The following TBC1D12 variants were observed in gnomAD, a reference collection of about 807,000 sequenced individuals.
The protein encoded by TBC1D12 is TBC1 domain family, member 12.
TBC1D12 carries 56 observed loss-of-function variants against 86.7 expected under a neutral mutation model. The ratio of observed to expected loss-of-function variants is 0.65; its 90% CI spans 0.52 to 0.81. The LOEUF (loss-of-function observed/expected upper bound fraction) is 0.81. TBC1D12 is among the 30% of genes least tolerant of loss of function. The pLI is 0.00. For synonymous variants in TBC1D12, 421 were observed against 411.7 expected (o/e 1.02, Z -0.27); for missense variants, 1,023 against 1,038.8 (o/e 0.98, Z 0.21).
chr10:94,523,059 A>AG (rs1290875392), intron 11 of TBC1D12, among the ~76,000 whole-genome samples: 3 of 150,404 alleles, frequency 2.0e-5, no homozygotes, highest in African/African-American at 7.3e-5. Context: ...AAAAAAAAAA[A>AG]AAAAGAACTT....
chr10:94,511,091 A>ATT (rs2056520744), intron 8 of TBC1D12, among the ~76,000 whole-genome samples: 2 of 115,486 alleles, frequency 1.7e-5, no homozygotes, highest in African/African-American at 6.4e-5. Context: ...AGTAGTAAAT[A>ATT]TTTCTTTTTT....
intron 1 of TBC1D12, among the ~76,000 whole-genome samples, chr10:94,416,678 A>G (rs2055002669): frequency 6.6e-6 from 1 of 152,178 alleles, no homozygotes; most frequent in South Asian, 2.1e-4. Flanking sequence ...CTATAATATC[A>G]ATGTTTACAA....
chr10:94,498,041 G>C (rs1453862043), intron 5 of TBC1D12, among the ~76,000 whole-genome samples: 2 of 151,842 alleles, frequency 1.3e-5, no homozygotes, highest in East Asian at 1.9e-4. Context: ...GGATGGTCTC[G>C]ATCTCCTGAC....
chr10:94,473,862 AATTT>A (rs2055946884), intron 2 of TBC1D12, among the ~76,000 whole-genome samples: 1 of 152,210 alleles, frequency 6.6e-6, no homozygotes, highest in Non-Finnish European at 1.5e-5. Context: ...ATATTAAATT[AATTT>A]ATTTTAATTA....
chr10:94,411,229 T>C (rs2054923510), intron 1 of TBC1D12, among the ~76,000 whole-genome samples: 1 of 152,180 alleles, frequency 6.6e-6, no homozygotes, highest in Non-Finnish European at 1.5e-5. Context: ...CTGTAGCAAA[T>C]TCTAGATCTA....
At chr10:94,422,308 G>A (rs563993067) in intron 1 of TBC1D12, among the ~76,000 whole-genome samples, 1 of 149,402 alleles carries the variant, frequency 6.7e-6, no homozygotes, top group South Asian at 2.2e-4. Flanking sequence ...TCGTGCCTCA[G>A]CCTCCCAAGT....
At chr10:94,501,771 C>T (rs1272962710) in intron 6 of TBC1D12, among the ~76,000 whole-genome samples, 1 of 151,848 alleles carries the variant, frequency 6.6e-6, no homozygotes, top group Non-Finnish European at 1.5e-5. Flanking sequence ...TGGTCTCAAA[C>T]TCCTGGCCTC....
intron 1 of TBC1D12, among the ~76,000 whole-genome samples, chr10:94,420,549 C>G (rs1054138956): frequency 2.0e-5 from 3 of 152,202 alleles, no homozygotes; most frequent in Admixed American, 2.0e-4. Context: ...GTCTCCAACC[C>G]AGCAATCTGT....
intron 2 of TBC1D12, among the ~76,000 whole-genome samples, chr10:94,474,242 A>T (rs1321510468): frequency 6.6e-6 from 1 of 152,160 alleles, no homozygotes; most frequent in East Asian, 1.9e-4. Context: ...TCTTCCTAAA[A>T]CTTTAATTAA....
intron 1 of TBC1D12, among the ~76,000 whole-genome samples, chr10:94,420,463 C>T (rs1164832383): frequency 2.0e-5 from 3 of 151,712 alleles, no homozygotes; most frequent in Non-Finnish European, 4.4e-5. Flanking sequence ...GCTAGCACCA[C>T]TATCTAATTC....
chr10:94,483,619 C>T (rs1207647731), intron 3 of TBC1D12, among the ~76,000 whole-genome samples: 2 of 151,966 alleles, frequency 1.3e-5, no homozygotes, highest in African/African-American at 4.8e-5. Flanking sequence ...TAGCTTTATC[C>T]CTGTGGATAT....
At chr10:94,513,999 T>G (rs554053072) in intron 9 of TBC1D12, among the ~76,000 whole-genome samples, 1 of 151,214 alleles carries the variant, frequency 6.6e-6, no homozygotes, top group South Asian at 2.1e-4. Context: ...TGTACAGAAC[T>G]CAGTTATTAG....
intron 2 of TBC1D12, among the ~76,000 whole-genome samples, chr10:94,457,460 G>A (rs558204589): frequency 9.8e-4 from 149 of 152,206 alleles, no homozygotes; most frequent in African/African-American, 3.3e-3. Context: ...TGTTGCCTAG[G>A]CTGGAATGCA....
At position 94,507,255 on chromosome 10, in the gene TBC1D12, C is replaced by A. The variant is rs774412312; in HGVS notation, c.1520-12C>A. 5.6e-6 allele frequency: 9 copies of A among 1,600,222 alleles called. No homozygotes were observed. The South Asian group carries it at 9.2e-5, about 16-fold the overall frequency. ...ATTATTCATACATTTTTGTTCTCCC[C>A]CCAACCCCCAGAACTTTATGAAATC... On this transcript the variant is annotated splice_polypyrimidine_tract_variant and intron_variant, in intron 6 of 12. Transcript: ENST00000225235.
intron 2 of TBC1D12, among the ~76,000 whole-genome samples, chr10:94,445,553 C>G (rs1273103082): frequency 6.6e-6 from 1 of 152,146 alleles, no homozygotes; most frequent in Non-Finnish European, 1.5e-5. Flanking sequence ...TATGTCACAG[C>G]TATTAGTATA....
chr10:94,442,035 G>C lies in TBC1D12; in HGVS notation c.1095+16G>C. 3.1e-6 allele frequency: 5 copies of C among 1,591,040 alleles called. No individual in the cohort carries two copies. Among genetic ancestry groups the C allele is most frequent in the Non-Finnish European group, 4.3e-6 (5 of 1,172,220 alleles). The stretch of plus-strand genomic sequence containing the variant: ...CATTCAGCAGGTAAGTACTGACATA[G>C]CCATGTAGTTTACCCTAGCTTTTCA... On this transcript the variant is annotated intron_variant, in intron 2 of 12. Transcript: ENST00000225235.
chr10:94,447,829 T>A (rs1396541040), intron 2 of TBC1D12, among the ~76,000 whole-genome samples: 2 of 150,134 alleles, frequency 1.3e-5, no homozygotes, highest in Non-Finnish European at 3.0e-5. Context: ...CAAGTGAGAA[T>A]GATTTCAAAT....
intron 2 of TBC1D12, among the ~76,000 whole-genome samples, chr10:94,460,065 C>T (rs1485730725): frequency 6.6e-6 from 1 of 151,990 alleles, no homozygotes; most frequent in Non-Finnish European, 1.5e-5. Context: ...GTCCCTGTCT[C>T]TACTAAAAAT....
In TBC1D12 at chr10:94,403,092, GC is replaced by G. The variant is rs1415040576; in HGVS notation, c.481del (p.Arg161GlyfsTer119). Reference sequence around the variant, plus strand: ...GCTCGCGGGCTGGCGCGCGCCGGCGGCCGGGAGTCGCGCCGCCGCCGCCCCT... The same window carrying G: ...GCTCGCGGGCTGGCGCGCGCCGGCGGCGGGAGTCGCGCCGCCGCCGCCCCT... ...EEARGLARAG[G>X]RESRRRRPYG... On this transcript the variant is annotated frameshift_variant, in exon 1 of 13. Transcript: ENST00000225235. LOFTEE classifies it high-confidence loss of function. The G allele has an allele frequency of 7.1e-7, 1 of 1,409,152 alleles. No homozygotes were observed. The highest frequency in any genetic ancestry group is 1.5e-5 in the African/African-American group (1 of 65,890). 87.3% of individuals were successfully genotyped at this position (1,409,152 alleles called of 1,614,324 possible).
Sources: allele counts gnomAD v4.1 joint callset (sites outside exome capture counted in the v4.1 genomes callset), GRCh38; gene constraint gnomAD v4.1.1; transcripts MANE v1.5; gene names NCBI Gene and HGNC (gene_info 2026-07-23, HGNC 2026-07-21).